The following NEDD4 variants were observed in gnomAD, a reference collection of about 807,000 sequenced individuals.
NEDD4 encodes the protein E3 ubiquitin-protein ligase NEDD4.
Under a neutral mutation model 144.9 loss-of-function variants are expected in NEDD4, and 99 were observed. That is an observed-to-expected ratio of 0.68 (90% CI 0.58 to 0.81). The LOEUF is 0.81. Among genes scored for constraint, NEDD4 ranks in the 30% least tolerant of loss-of-function variants. The probability of loss-of-function intolerance (pLI) is 0.00; values close to 1 mark genes in which losing one functional copy is unlikely to be tolerated. For synonymous variants in NEDD4, 318 were observed against 350.6 expected (o/e 0.91, Z 1.04); for missense variants, 985 against 1,065.9 (o/e 0.92, Z 1.06).
rs934683283 is a variant in NEDD4, at chr15:55,848,395, C to T, written c.1519G>A (p.Glu507Lys). 3 of 1,614,136 alleles carry T rather than the reference C, an allele frequency of 1.9e-6. No homozygotes were observed. The highest frequency in any genetic ancestry group is 2.5e-6 in the Non-Finnish European group (3 of 1,180,018). Residue 507 changes from glutamate (E) to lysine (K), a missense_variant, in exon 17 of 29, where the codon GAG becomes AAG. Glu to Lys is a moderately conservative substitution (Grantham distance 56). Transcript: ENST00000435532. Reference protein sequence around the residue: ...KRTQWEDPRLENVAITGPAVP... With the variant: ...KRTQWEDPRLKNVAITGPAVP... ...ACTGGTCCAGTTATTGCTACATTCT[C>T]CAACCGAGGATCTTCCCATTGTGTT...
In NEDD4 at chr15:55,837,429, G is replaced by A. The variant is rs868429792; in HGVS notation, c.2262+360C>T. On this transcript the variant is annotated intron_variant, in intron 24 of 28. Coordinates refer to ENST00000435532, the MANE Select transcript of NEDD4 (RefSeq NM_006154.4). ...TGGGCGACAAAGTGACTCACTCCGC[G>A]CTCAAAAAAAAAAAAAAAAGAAGAA... Among the ~76,000 whole-genome samples the A allele has an allele frequency of 4.0e-4, 13 of 32,504 alleles. No homozygotes were observed. The South Asian group carries it at 8.8e-3, about 22-fold the overall frequency. 21.3% of individuals were successfully genotyped at this position (32,504 alleles called of 152,430 possible).
rs116706321 is a variant in NEDD4 at position 55,936,801 on chromosome 15, T to C, written c.238-12102A>G. 9.4e-3 allele frequency among the ~76,000 whole-genome samples: 1,433 copies of C among 151,944 alleles called. 13 individuals are homozygous for C. The highest frequency in any genetic ancestry group is 0.03 in the African/African-American group (1,262 of 41,462). On this transcript the variant is annotated intron_variant, in intron 4 of 28. Coordinates refer to ENST00000435532, the MANE Select transcript of NEDD4 (RefSeq NM_006154.4). ...ATAATTTGCTATTTCTTTTCTTTTTTTTTTTTTTGAGACAGAGTTTCACTC... is the reference window on the plus strand; with the variant it reads ...ATAATTTGCTATTTCTTTTCTTTTTCTTTTTTTTGAGACAGAGTTTCACTC...
chr15:55,838,700 G>T, intron 21 of NEDD4, 96 bp from the exon 22 acceptor site: 4 of 750,538 alleles, frequency 5.3e-6, no homozygotes, highest in Non-Finnish European at 8.9e-6. Context: ...TTGGGTAAAA[G>T]ATGAGAGGTC....
chr15:55,943,927 G>A (rs1438311977), intron 4 of NEDD4, among the ~76,000 whole-genome samples: 1 of 152,236 alleles, frequency 6.6e-6, no homozygotes, highest in Non-Finnish European at 1.5e-5. Context: ...AGACACCCAA[G>A]GCCTTTCGGA....
intron 5 of NEDD4, among the ~76,000 whole-genome samples, chr15:55,921,558 C>A (rs2036569978): frequency 6.6e-6 from 1 of 152,144 alleles, no homozygotes; most frequent in African/African-American, 2.4e-5. Flanking sequence ...CTCCTGACAT[C>A]AGGTGTTCAC....
intron 5 of NEDD4, among the ~76,000 whole-genome samples, chr15:55,883,619 C>T (rs911250609): frequency 6.6e-6 from 1 of 151,872 alleles, no homozygotes; most frequent in Non-Finnish European, 1.5e-5. Flanking sequence ...CCAGTGCATT[C>T]CCAGTGGTGG....
chr15:55,954,542 G>A (rs1279770286), intron 2 of NEDD4, among the ~76,000 whole-genome samples: 1 of 142,916 alleles, frequency 7.0e-6, no homozygotes, highest in African/African-American at 2.5e-5. Flanking sequence ...TTTTTTTTTT[G>A]AGATGGAGTT....
At chr15:55,945,752 G>T (rs748114231) in intron 4 of NEDD4, among the ~76,000 whole-genome samples, 3 of 151,836 alleles carry the variant, frequency 2.0e-5, no homozygotes, top group Non-Finnish European at 2.9e-5. Context: ...GTTAAGGGCG[G>T]CCACAGAGAA....
intron 1 of NEDD4, among the ~76,000 whole-genome samples, chr15:55,978,900 G>T (rs1421011661): frequency 2.1e-5 from 3 of 139,622 alleles, no homozygotes; most frequent in African/African-American, 2.7e-5. Context: ...TCTACTAACT[G>T]CTCTTCAATT....
chr15:55,880,934 T>G (rs1322421267), intron 5 of NEDD4, among the ~76,000 whole-genome samples: 1 of 152,164 alleles, frequency 6.6e-6, no homozygotes. Flanking sequence ...ATGAAACCCC[T>G]GCTCCCCTTT....
At chr15:55,984,958 T>G (rs868411973) in intron 1 of NEDD4, among the ~76,000 whole-genome samples, 1 of 152,252 alleles carries the variant, frequency 6.6e-6, no homozygotes, top group Non-Finnish European at 1.5e-5. Context: ...TGTGTTCAAC[T>G]GGTTCCTGCA....
chr15:55,864,915 C>T (rs1412731718), intron 8 of NEDD4, among the ~76,000 whole-genome samples: 2 of 151,812 alleles, frequency 1.3e-5, no homozygotes, highest in East Asian at 1.9e-4. Flanking sequence ...ATAGGAATTC[C>T]GGCCAGGCAC....
intron 15 of NEDD4, 69 bp from the exon 16 acceptor site, chr15:55,848,644 T>C: frequency 7.3e-7 from 1 of 1,378,810 alleles, no homozygotes. Context: ...AAAATAGCAC[T>C]GGTTGTATGG....
chr15:55,870,351 G>A (rs1205735060), intron 7 of NEDD4, among the ~76,000 whole-genome samples: 1 of 152,064 alleles, frequency 6.6e-6, no homozygotes, highest in East Asian at 1.9e-4. Context: ...CATCTCTTTG[G>A]CAGCTGTTTG....
chr15:55,992,289 T>C (rs943277995), intron 1 of NEDD4, among the ~76,000 whole-genome samples: 8 of 152,200 alleles, frequency 5.3e-5, no homozygotes, highest in African/African-American at 9.7e-5. Context: ...CTGGCAGCAA[T>C]AGCTAGGAAA....
chr15:55,856,713 T>C (rs1478588281), intron 11 of NEDD4, among the ~76,000 whole-genome samples: 6 of 152,182 alleles, frequency 3.9e-5, no homozygotes, highest in Admixed American at 3.9e-4. Context: ...ACGACCTGCC[T>C]CTTCCTGACT....
At chr15:55,877,225 A>G (rs2035025520) in intron 5 of NEDD4, among the ~76,000 whole-genome samples, 1 of 152,134 alleles carries the variant, frequency 6.6e-6, no homozygotes, top group Non-Finnish European at 1.5e-5. Flanking sequence ...AGACTCATAT[A>G]TTGCATTTAG....
rs1205435029 is a variant in NEDD4, at chr15:55,840,437, A to G, written c.2031+10T>C. The G allele has an allele frequency of 6.2e-7, 1 of 1,610,012 alleles. No homozygotes were observed. The highest frequency in any genetic ancestry group is 1.3e-5 in the African/African-American group (1 of 74,758). On this transcript the variant is annotated intron_variant, in intron 21 of 28. Transcript: ENST00000435532. ...ATACTTCGTCTATACTATAAGTGAA[A>G]AAGACATACCACAGATTCCATATCA...
chr15:55,894,232 G>C (rs2035666368), intron 5 of NEDD4, among the ~76,000 whole-genome samples: 2 of 151,870 alleles, frequency 1.3e-5, no homozygotes, highest in East Asian at 1.9e-4. Flanking sequence ...AAAAATATTT[G>C]AAAAGAAAAA....
Sources: gnomAD v4.1 joint callset for allele counts (sites outside exome capture counted in the v4.1 genomes callset) on GRCh38, gnomAD v4.1.1 for gene constraint, MANE v1.5 for transcripts, NCBI Gene and HGNC (gene_info 2026-07-23, HGNC 2026-07-21) for gene names.